Variants in OSBPL10 observed in about 807,000 individuals in gnomAD.
OSBPL10 encodes oxysterol-binding protein-related protein 10.
OSBPL10 carries 49 observed loss-of-function variants against 81.7 expected under a neutral mutation model. The observed-to-expected ratio is 0.60, with a 90% CI of 0.48 to 0.76. The LOEUF (loss-of-function observed/expected upper bound fraction) is 0.76, where lower values mean the gene tolerates loss of function less well. Ranked by LOEUF, OSBPL10 falls within the 30% of genes least tolerant of loss-of-function variation. The pLI is 0.00. For missense variants in OSBPL10, 923 were observed against 987.8 expected (o/e 0.93, Z 0.88); for synonymous variants, 419 against 383.6 (o/e 1.09, Z -1.08).
intron 4 of OSBPL10, among the ~76,000 whole-genome samples, chr3:31,751,815 A>G (rs1241514619): frequency 6.6e-6 from 1 of 152,250 alleles, no homozygotes; most frequent in African/African-American, 2.4e-5. Context: ...GACACAATCA[A>G]TGCCAATCTT....
chr3:31,710,587 G>A (rs1176003999), intron 6 of OSBPL10: 1 of 152,194 alleles, frequency 6.6e-6, no homozygotes, highest in Non-Finnish European at 1.5e-5. Context: ...TCTCAATCAA[G>A]GTCACATGCA....
At chr3:31,826,811 G>A (rs1428888308) in intron 4 of OSBPL10, among the ~76,000 whole-genome samples, 1 of 152,166 alleles carries the variant, frequency 6.6e-6, no homozygotes, top group African/African-American at 2.4e-5. Context: ...ATCACAAAAT[G>A]ACAAATTCCA....
At chr3:31,818,797 C>A (rs932978835) in intron 4 of OSBPL10, among the ~76,000 whole-genome samples, 2 of 151,910 alleles carry the variant, frequency 1.3e-5, no homozygotes, top group Non-Finnish European at 2.9e-5. Flanking sequence ...AAGGCAGTGA[C>A]AGCTGGTCTC....
At chr3:31,709,795 C>T (rs2125611737) in intron 6 of OSBPL10, among the ~76,000 whole-genome samples, 1 of 152,290 alleles carries the variant, frequency 6.6e-6, no homozygotes, top group Admixed American at 6.5e-5. Context: ...AGGGAAAGGG[C>T]AGGGCCCCAA....
At chr3:31,879,424 A>T (rs1168417048) in intron 2 of OSBPL10, 5 of 497,098 alleles carry the variant, frequency 1.0e-5, no homozygotes, top group Non-Finnish European at 1.8e-5. Flanking sequence ...TTTGGGAATC[A>T]CTCACCTTTC....
At chr3:31,705,143 G>C (rs960003668) in intron 6 of OSBPL10, among the ~76,000 whole-genome samples, 7 of 152,160 alleles carry the variant, frequency 4.6e-5, no homozygotes, top group African/African-American at 1.7e-4. Flanking sequence ...CACAAATCCT[G>C]AGCAAGCCAT....
chr3:31,845,260 C>G (rs567938138), intron 3 of OSBPL10, among the ~76,000 whole-genome samples: 2 of 152,166 alleles, frequency 1.3e-5, no homozygotes, highest in Non-Finnish European at 2.9e-5. Flanking sequence ...CTTTATGCCA[C>G]AAGGTATGTG....
rs781191517 is a variant in OSBPL10, at chr3:31,676,691, GAACT to G, written c.1727-5712_1727-5709del. On this transcript the variant is annotated intron_variant, in intron 8 of 11. Coordinates refer to ENST00000396556, the MANE Select transcript of OSBPL10 (RefSeq NM_017784.5). ...GCAATCATGTTGCTTCCTCTCATTA[GAACT>G]AACTGTTTTTCCCCACAGACTCAAT... 8.7e-4 allele frequency among the ~76,000 whole-genome samples: 132 copies of G among 152,350 alleles called. 3 individuals are homozygous for G. The highest frequency in any genetic ancestry group is 1.7e-3 in the Non-Finnish European group (115 of 68,038).
At chr3:31,681,937 A>T (rs1301501782) in intron 8 of OSBPL10, among the ~76,000 whole-genome samples, 1 of 152,172 alleles carries the variant, frequency 6.6e-6, no homozygotes, top group Non-Finnish European at 1.5e-5. Context: ...CTTCCTTCAA[A>T]GTAGCCCAAT....
intron 5 of OSBPL10, among the ~76,000 whole-genome samples, chr3:31,744,815 A>C (rs1454055338): frequency 2.0e-5 from 3 of 152,026 alleles, no homozygotes; most frequent in Non-Finnish European, 4.4e-5. Context: ...TTTTCTAGGA[A>C]GCCCTGAAGA....
chr3:31,781,442 A>G lies in OSBPL10; in HGVS notation c.730-33322T>C, dbSNP rs575810160. Among the ~76,000 whole-genome samples the G allele has an allele frequency of 2.0e-5, 3 of 152,312 alleles. No homozygotes were observed. In the East Asian group the frequency reaches 5.8e-4, roughly 29 times the overall value. On this transcript the variant is annotated intron_variant, in intron 4 of 11. Transcript: ENST00000396556. ...CACTTTCACCACTTCTATTCAACAC[A>G]GTACTGGAAGTCCTAGCCAGAGCAA... is the stretch of plus-strand genomic sequence containing the variant.
At chr3:31,747,365 C>A (rs1310959209) in intron 5 of OSBPL10, among the ~76,000 whole-genome samples, 2 of 151,604 alleles carry the variant, frequency 1.3e-5, no homozygotes, top group Non-Finnish European at 2.9e-5. Context: ...ATTGCCAAAG[C>A]TCATTAATGG....
intron 4 of OSBPL10, among the ~76,000 whole-genome samples, chr3:31,750,911 A>C (rs1461888174): frequency 3.9e-5 from 6 of 152,206 alleles, no homozygotes; most frequent in Non-Finnish European, 8.8e-5. Context: ...GACATTATGA[A>C]AATCTTAGAT....
chr3:31,930,115 T>C (rs1697199405), intron 1 of OSBPL10, among the ~76,000 whole-genome samples: 1 of 151,522 alleles, frequency 6.6e-6, no homozygotes, highest in Admixed American at 6.6e-5. Flanking sequence ...GCGTCTGAGA[T>C]TGAGACCAGC....
chr3:31,981,744 TCA>T (rs1343951817), upstream of OSBPL10: 1 of 151,862 alleles, frequency 6.6e-6, no homozygotes, highest in East Asian at 1.9e-4. This position sits in a 1 kb window ranked among gnomAD's most constrained non-coding sequence, Gnocchi z 4.5. Context: ...CCTGACAGGC[TCA>T]CACGCACACT....
intron 3 of OSBPL10, among the ~76,000 whole-genome samples, chr3:31,865,498 A>G (rs1575589698): frequency 6.6e-6 from 1 of 152,170 alleles, no homozygotes; most frequent in East Asian, 1.9e-4. Context: ...TCAATCTGCT[A>G]TGGTCTGAAG....
chr3:31,758,446 T>C (rs1697947175), intron 4 of OSBPL10, among the ~76,000 whole-genome samples: 1 of 152,192 alleles, frequency 6.6e-6, no homozygotes, highest in African/African-American at 2.4e-5. Flanking sequence ...ACTCCGTCTC[T>C]AACTGCTCTT....
In OSBPL10 at chr3:31,807,396, A is replaced by AAT. The variant is rs144620053; in HGVS notation, c.729+22642_729+22643dup. On this transcript the variant is annotated intron_variant, in intron 4 of 11. Coordinates refer to ENST00000396556, the MANE Select transcript of OSBPL10 (RefSeq NM_017784.5). ...AGAAAAATAAATAAATAAATAAATAAATAAATAAGATTCACTCTGCATGCT... is the reference window on the plus strand; with the variant it reads ...AGAAAAATAAATAAATAAATAAATAAATATAAATAAGATTCACTCTGCATGCT... Among the ~76,000 whole-genome samples the AAT allele has an allele frequency of 1.1e-4, 17 of 150,706 alleles. No homozygotes were observed. The East Asian group carries it at 2.2e-3, about 19-fold the overall frequency.
intron 4 of OSBPL10, among the ~76,000 whole-genome samples, chr3:31,820,022 T>G (rs1447723576): frequency 6.6e-6 from 1 of 152,188 alleles, no homozygotes; most frequent in Non-Finnish European, 1.5e-5. Context: ...AATCTCTTAA[T>G]GTAGATCTCC....
Sources: allele counts gnomAD v4.1 joint callset (sites outside exome capture counted in the v4.1 genomes callset), GRCh38; gene constraint gnomAD v4.1.1; non-coding constraint Gnocchi (gnomAD v3.1); transcripts MANE v1.5; gene names NCBI Gene and HGNC (gene_info 2026-07-23, HGNC 2026-07-21).